FAM13B: variants seen among roughly 807,000 people sequenced by gnomAD.
The protein encoded by FAM13B is family with sequence similarity 13 member B, also known as protein FAM13B.
Under a neutral mutation model 117.3 loss-of-function variants are expected in FAM13B, and 60 were observed. That is an observed-to-expected ratio of 0.51 (90% CI 0.42 to 0.63). The LOEUF is 0.63. Ranked by LOEUF, FAM13B falls within the 30% of genes least tolerant of loss-of-function variation. The pLI is 0.00. For synonymous variants in FAM13B, 332 were observed against 356.1 expected (o/e 0.93, Z 0.76); for missense variants, 972 against 1,091.9 (o/e 0.89, Z 1.55).
chr5:138,030,136 G>A (rs1011540827), intron 1 of FAM13B, among the ~76,000 whole-genome samples: 4 of 152,136 alleles, frequency 2.6e-5, no homozygotes, highest in African/African-American at 4.8e-5. Flanking sequence ...CCTATCATCA[G>A]TTCAAGTCCC....
intron 7 of FAM13B, among the ~76,000 whole-genome samples, chr5:137,993,927 A>G (rs898075890): frequency 6.6e-5 from 10 of 152,210 alleles, no homozygotes; most frequent in African/African-American, 2.4e-5. Context: ...ATTCTTATCC[A>G]TAGTAGTAAG....
intron 1 of FAM13B, chr5:138,039,498 C>T (rs1791407314): frequency 6.6e-6 from 1 of 152,092 alleles, no homozygotes; most frequent in South Asian, 2.1e-4. Context: ...TCCAGTGGCC[C>T]AATTATAGCT....
At chr5:138,006,221 C>G (rs1965911) in intron 7 of FAM13B, among the ~76,000 whole-genome samples, 1 of 151,960 alleles carries the variant, frequency 6.6e-6, no homozygotes, top group Non-Finnish European at 1.5e-5. Flanking sequence ...TTTAACCACC[C>G]TTCCACTGAA....
intron 1 of FAM13B, among the ~76,000 whole-genome samples, chr5:138,046,061 G>A (rs1045731368): frequency 6.6e-6 from 1 of 152,118 alleles, no homozygotes; most frequent in Non-Finnish European, 1.5e-5. Context: ...ATTGAATCAC[G>A]GGGGCAAGTC....
rs1785777896 is a variant in FAM13B, at chr5:138,018,412, T to C, written c.260A>G (p.Lys87Arg). The change falls in exon 4 of 24, where the codon AAG (lysine) becomes AGG (arginine). Residue 87 changes from lysine to arginine, a missense_variant. Coordinates refer to ENST00000689681, the MANE Select transcript of FAM13B (RefSeq NM_001385994.1). The stretch of plus-strand genomic sequence containing the variant: ...AATAGCTGAGGGAACATCTGCTTCC[T>C]TAACCAAATCCACCTCTTCTCCGCT... ...YDSGEEVDLV[K>R]EADVPSAISL... is the part of the protein sequence containing the mutation. 3 of 1,614,072 alleles carry C rather than the reference T, an allele frequency of 1.9e-6. No individual in the cohort carries two copies. The African/African-American group carries it at 4.0e-5, about 22-fold the overall frequency.
chr5:138,036,487 G>T (rs1284502712), upstream of FAM13B: 1 of 456,570 alleles, frequency 2.2e-6, no homozygotes, highest in Non-Finnish European at 4.4e-6. Flanking sequence ...CCCTCAGACT[G>T]CAGGAGGTAC....
intron 10 of FAM13B, among the ~76,000 whole-genome samples, chr5:137,977,393 C>T (rs1294653733): frequency 6.6e-6 from 1 of 152,116 alleles, no homozygotes; most frequent in Non-Finnish European, 1.5e-5. Flanking sequence ...ATCTCTGTGA[C>T]CCACACCCTA....
At chr5:137,965,900 T>C (rs1387185796) in intron 10 of FAM13B, among the ~76,000 whole-genome samples, 1 of 152,188 alleles carries the variant, frequency 6.6e-6, no homozygotes, top group Non-Finnish European at 1.5e-5. Flanking sequence ...TGGATTTTAC[T>C]GATGATAAAT....
chr5:137,954,410 T>C lies in FAM13B; in HGVS notation c.1508-34A>G. On this transcript the variant is annotated intron_variant, in intron 14 of 23. Transcript: ENST00000689681. ...CAAACACAAAGAATAGTACCATGGG[T>C]CTCTTGATTCCACGTGGGAAAAAAG... The C allele has an allele frequency of 1.9e-6, 3 of 1,557,002 alleles. No homozygotes were observed. The South Asian group carries it at 3.4e-5, about 18-fold the overall frequency.
intron 11 of FAM13B, among the ~76,000 whole-genome samples, chr5:137,961,494 T>C (rs958116978): frequency 6.6e-6 from 1 of 152,166 alleles, no homozygotes; most frequent in African/African-American, 2.4e-5. Context: ...TCCTGCCTCC[T>C]GAAAGGAAGG....
Position 138,011,902 on chromosome 5 carries a change from G to A in FAM13B, c.414C>T (p.Leu138=). Reference sequence around the variant, plus strand: ...AATTAACAGGTGGAAGCTGTTGCAAGAGGAACCTCAACTTTCTTCCAAATT... The same window carrying A: ...AATTAACAGGTGGAAGCTGTTGCAAAAGGAACCTCAACTTTCTTCCAAATT... ...EDEFGRKLRF[L]LQQLPPVNYS... is the part of the protein sequence containing the mutation. The change falls in exon 5 of 24, where the codon CTC becomes CTT. Residue 138 remains leucine, a synonymous_variant. Coordinates refer to ENST00000689681, the MANE Select transcript of FAM13B (RefSeq NM_001385994.1). 1 of 1,596,806 alleles carries A rather than the reference G, an allele frequency of 6.3e-7. No homozygotes were observed. Among genetic ancestry groups the A allele is most frequent in the Non-Finnish European group, 8.5e-7 (1 of 1,175,346 alleles).
At chr5:137,962,574 C>A in intron 10 of FAM13B, 105 bp from the exon 11 acceptor site, 1 of 876,430 alleles carries the variant, frequency 1.1e-6, no homozygotes, top group East Asian at 2.6e-5. Flanking sequence ...GTCAAACACC[C>A]CTAATTAGCT....
intron 10 of FAM13B, among the ~76,000 whole-genome samples, chr5:137,974,533 G>A (rs1217297042): frequency 2.7e-5 from 4 of 147,124 alleles, no homozygotes; most frequent in Admixed American, 1.4e-4. Flanking sequence ...TGGGTGCAGC[G>A]CACCAGCATG....
intron 10 of FAM13B, among the ~76,000 whole-genome samples, chr5:137,982,564 T>C (rs930228237): frequency 2.0e-5 from 3 of 152,052 alleles, no homozygotes; most frequent in African/African-American, 7.2e-5. Flanking sequence ...TCCAGAAGTA[T>C]CTACCCTATA....
intron 13 of FAM13B, 52 bp from the exon 14 acceptor site, chr5:137,956,594 G>T: frequency 7.2e-7 from 1 of 1,381,422 alleles, no homozygotes; most frequent in Non-Finnish European, 1.0e-6. Context: ...ACACAGCACA[G>T]TCAGAACAAA....
chr5:137,958,227 C>T (rs1374445423), intron 13 of FAM13B, among the ~76,000 whole-genome samples: 1 of 152,352 alleles, frequency 6.6e-6, no homozygotes, highest in East Asian at 1.9e-4. Flanking sequence ...TATCCCCCAA[C>T]ACTGGGAAGC....
At chr5:138,020,963 A>T in intron 2 of FAM13B, 68 bp downstream of exon 2, 2 of 1,070,352 alleles carry the variant, frequency 1.9e-6, no homozygotes, top group Non-Finnish European at 2.4e-6. Context: ...AATAGCAGCT[A>T]CAGGGGCAAG....
At chr5:137,953,090 T>C (rs1765488508) in intron 16 of FAM13B, among the ~76,000 whole-genome samples, 1 of 152,218 alleles carries the variant, frequency 6.6e-6, no homozygotes, top group Non-Finnish European at 1.5e-5. Context: ...GTATTTGCTT[T>C]AAAAATTCTA....
At position 137,938,635 on chromosome 5, in the gene FAM13B, G is replaced by A. The variant is rs1269098003; in HGVS notation, c.*1590C>T. ...TTCCCCAACTACACATTCACTACCAGGTTTTCCCTCACCCCCCACCCCCCA... is the reference window on the plus strand; with the variant it reads ...TTCCCCAACTACACATTCACTACCAAGTTTTCCCTCACCCCCCACCCCCCA... On this transcript the variant is annotated 3_prime_UTR_variant, in exon 24 of 24. Transcript: ENST00000689681. 2.6e-5 allele frequency: 4 copies of A among 152,358 alleles called. No homozygotes were observed. Among genetic ancestry groups the A allele is most frequent in the Non-Finnish European group, 5.9e-5 (4 of 68,004 alleles). The allele number at this position is 152,358 out of a possible 1,614,324, so 9.4% of individuals were successfully genotyped here.
Sources: gnomAD v4.1 joint callset for allele counts (sites outside exome capture counted in the v4.1 genomes callset) on GRCh38, gnomAD v4.1.1 for gene constraint, MANE v1.5 for transcripts, NCBI Gene and HGNC (gene_info 2026-07-23, HGNC 2026-07-21) for gene names.